ZC3H14: variants seen among roughly 807,000 people sequenced by gnomAD.
The protein encoded by ZC3H14 is zinc finger CCCH-type containing 14.
ZC3H14 carries 31 observed loss-of-function variants against 92.4 expected under a neutral mutation model. The observed-to-expected ratio is 0.34, with a 90% CI of 0.25 to 0.45. The LOEUF (loss-of-function observed/expected upper bound fraction) is 0.45. Among genes scored for constraint, ZC3H14 ranks in the 20% least tolerant of loss-of-function variants. The probability of loss-of-function intolerance (pLI) is 1.00; values close to 1 mark genes in which losing one functional copy is unlikely to be tolerated. For synonymous variants in ZC3H14, 321 were observed against 300.9 expected (o/e 1.07, Z -0.69); for missense variants, 781 against 897.3 (o/e 0.87, Z 1.66).
rs1185410035 is a variant in ZC3H14 at position 88,615,790 on chromosome 14, T to G, written c.*4039T>G. 2 of 1,605,350 alleles carry G rather than the reference T, an allele frequency of 1.2e-6. No homozygotes were observed. The highest frequency in any genetic ancestry group is 1.7e-6 in the Non-Finnish European group (2 of 1,175,954). On this transcript the variant is annotated 3_prime_UTR_variant, in exon 17 of 17. Coordinates refer to ENST00000251038, the MANE Select transcript of ZC3H14 (RefSeq NM_024824.5). ...CTTCTCTGTAATTCTGGTCTCAAAG[T>G]TAATTTCTGTAGTCATCTCAGCATC... is the stretch of plus-strand genomic sequence containing the variant.
Position 88,569,392 on chromosome 14 carries a change from A to G in ZC3H14, c.194+1239A>G, listed in dbSNP as rs144066299. Among the ~76,000 whole-genome samples, 4 of 152,284 alleles carry G rather than the reference A, an allele frequency of 2.6e-5. No individual in the cohort carries two copies. The East Asian group carries it at 7.7e-4, about 29-fold the overall frequency. On this transcript the variant is annotated intron_variant, in intron 3 of 16. Transcript: ENST00000251038. ...ATGTTACAGCATATTTTGAGATTAT[A>G]AGTTTTTTTAAGTTTGGAATTTTAA...
chr14:88,615,802 G>C lies in ZC3H14; in HGVS notation c.*4051G>C, dbSNP rs772518655. The C allele has an allele frequency of 1.9e-6, 3 of 1,608,844 alleles. No homozygotes were observed. The South Asian group carries it at 3.4e-5, about 18-fold the overall frequency. On this transcript the variant is annotated 3_prime_UTR_variant, in exon 17 of 17. Coordinates refer to ENST00000251038, the MANE Select transcript of ZC3H14 (RefSeq NM_024824.5). ...TCTGGTCTCAAAGTTAATTTCTGTAGTCATCTCAGCATCTCTCAGTGAGGT... is the reference window on the plus strand; with the variant it reads ...TCTGGTCTCAAAGTTAATTTCTGTACTCATCTCAGCATCTCTCAGTGAGGT...
At position 88,578,037 on chromosome 14, in the gene ZC3H14, A is replaced by G. The variant is rs758103735; in HGVS notation, c.1176A>G (p.Glu392=). The change falls in exon 9 of 17, where the codon GAA becomes GAG. Residue 392 remains glutamate (E), a synonymous_variant. Transcript: ENST00000251038. ...CTCCCAGAACTCGAACTTCTCAAGA[A>G]GAATTGCTAGCAGAAGTGGTCCAGG... ...PVAPRTRTSQ[E]ELLAEVVQGQ... The G allele has an allele frequency of 1.9e-6, 3 of 1,614,220 alleles. No individual in the cohort carries two copies. The highest frequency in any genetic ancestry group is 2.5e-6 in the Non-Finnish European group (3 of 1,180,038).
At chr14:88,573,399 AAAAAC>A (rs1253005802) in intron 6 of ZC3H14, among the ~76,000 whole-genome samples, 1 of 152,080 alleles carries the variant, frequency 6.6e-6, no homozygotes, top group East Asian at 1.9e-4. Context: ...AGAAAAAACA[AAAAAC>A]AAAAAAAACA....
At chr14:88,563,387 A>G (rs981491293) in intron 1 of ZC3H14, 7 of 1,439,360 alleles carry the variant, frequency 4.9e-6, no homozygotes, top group Non-Finnish European at 6.3e-6. Flanking sequence ...GGGAAATGGA[A>G]GGACAGGCGC....
In ZC3H14 at chr14:88,624,821, G is replaced by T; in HGVS notation, c.*13070G>T. 1.2e-6 allele frequency: 1 copy of T among 843,108 alleles called. No homozygotes were observed. Among genetic ancestry groups the T allele is most frequent in the Non-Finnish European group, 1.8e-6 (1 of 560,316 alleles). The allele number at this position is 843,108 out of a possible 1,614,324, so 52.2% of individuals were successfully genotyped here. A position where few individuals can be genotyped will look rare whatever the true frequency, so the allele number is the denominator to read the frequency against. On this transcript the variant is annotated 3_prime_UTR_variant, in exon 17 of 17. Transcript: ENST00000251038. ...GACCAGAAATGAGAATCAAATAGAAGGCACATAAAAGGTAATAAAGGAGAA... is the reference window on the plus strand; with the variant it reads ...GACCAGAAATGAGAATCAAATAGAATGCACATAAAAGGTAATAAAGGAGAA...
At chr14:88,607,136 C>T (rs993812340) in intron 12 of ZC3H14, 107 bp from the exon 13 acceptor site, 2 of 1,534,422 alleles carry the variant, frequency 1.3e-6, no homozygotes, top group Admixed American at 3.5e-5. Context: ...TATGACTGTA[C>T]ATTTAACAGA....
At chr14:88,597,807 TTCA>T (rs1299097515) in intron 10 of ZC3H14, among the ~76,000 whole-genome samples, 4 of 152,222 alleles carry the variant, frequency 2.6e-5, no homozygotes, top group Non-Finnish European at 5.9e-5. Flanking sequence ...TGGGATCCAC[TTCA>T]TCAGCTCTTG....
intron 1 of ZC3H14, 161 bp from the exon 2 acceptor site, chr14:88,563,490 G>T (rs1039985530): frequency 1.2e-5 from 18 of 1,522,244 alleles, no homozygotes; most frequent in Middle Eastern, 4.7e-4. Context: ...GAGCTGGAGT[G>T]GGGTGCGGGG....
rs536263760 is a variant in ZC3H14 at position 88,588,791 on chromosome 14, T to TC, written c.1280-7942dup. 9.6e-4 allele frequency among the ~76,000 whole-genome samples: 146 copies of TC among 152,332 alleles called. 1 individual carries two copies. Among genetic ancestry groups the TC allele is most frequent in the Admixed American group, 2.1e-3 (32 of 15,310 alleles). On this transcript the variant is annotated intron_variant, in intron 9 of 16. Coordinates refer to ENST00000251038, the MANE Select transcript of ZC3H14 (RefSeq NM_024824.5). Reference sequence around the variant, plus strand: ...TTTAATCTGTCAGTTGTATATTTTTTCTCTCTTGATTTTTGACTTGATCTT... The same window carrying TC: ...TTTAATCTGTCAGTTGTATATTTTTTCCTCTCTTGATTTTTGACTTGATCTT...
chr14:88,579,812 C>G (rs2081649517), intron 9 of ZC3H14, among the ~76,000 whole-genome samples: 3 of 152,068 alleles, frequency 2.0e-5, no homozygotes. Flanking sequence ...AGCATTGTTT[C>G]AATGAAAGCA....
Position 88,578,027 on chromosome 14 carries a change from C to G in ZC3H14, c.1166C>G (p.Thr389Ser). The G allele has an allele frequency of 6.2e-7, 1 of 1,614,118 alleles. No homozygotes were observed. Residue 389 changes from threonine to serine, a missense_variant, in exon 9 of 17, where the codon ACT becomes AGT. Coordinates refer to ENST00000251038, the MANE Select transcript of ZC3H14 (RefSeq NM_024824.5). ...QTLPVAPRTR[T>S]SQEELLAEVV... is the part of the protein sequence containing the mutation. ...CTTCCAGTTGCTCCCAGAACTCGAACTTCTCAAGAAGAATTGCTAGCAGAA... is the reference window on the plus strand; with the variant it reads ...CTTCCAGTTGCTCCCAGAACTCGAAGTTCTCAAGAAGAATTGCTAGCAGAA...
rs762176566 is a variant in ZC3H14 at position 88,622,741 on chromosome 14, G to A, written c.*10990G>A. The A allele has an allele frequency of 3.9e-6, 6 of 1,534,116 alleles. No individual in the cohort carries two copies. Among genetic ancestry groups the A allele is most frequent in the South Asian group, 2.5e-5 (2 of 79,950 alleles). On this transcript the variant is annotated 3_prime_UTR_variant, in exon 17 of 17. Coordinates refer to ENST00000251038, the MANE Select transcript of ZC3H14 (RefSeq NM_024824.5). The stretch of plus-strand genomic sequence containing the variant: ...GACCTAAGTAAATAACCAAGCCAGA[G>A]TAAGTGTTCATTATTGGCTACTATA...
intron 12 of ZC3H14, among the ~76,000 whole-genome samples, chr14:88,606,555 A>C (rs908028521): frequency 3.9e-5 from 6 of 152,124 alleles, no homozygotes; most frequent in Admixed American, 3.9e-4. Flanking sequence ...GGATCGCTTA[A>C]GTCCTGGAGT....
At chr14:88,563,250 C>A in intron 1 of ZC3H14, 81 bp downstream of exon 1, 1 of 1,551,828 alleles carries the variant, frequency 6.4e-7, no homozygotes, top group Non-Finnish European at 8.7e-7. Context: ...ACTGTGGGCC[C>A]GGGTGGACGC....
At chr14:88,564,900 A>G (rs1814881723) in intron 2 of ZC3H14, among the ~76,000 whole-genome samples, 1 of 152,232 alleles carries the variant, frequency 6.6e-6, no homozygotes, top group African/African-American at 2.4e-5. Flanking sequence ...CACCTCTTTC[A>G]GGGAACATCA....
At position 88,618,967 on chromosome 14, in the gene ZC3H14, TTGTC is replaced by T; in HGVS notation, c.*7219_*7222del. 4 of 572,700 alleles carry T rather than the reference TTGTC, an allele frequency of 7.0e-6. No individual in the cohort carries two copies. Among genetic ancestry groups the T allele is most frequent in the Non-Finnish European group, 8.4e-6 (3 of 356,852 alleles). The allele number at this position is 572,700 out of a possible 1,614,324, so 35.5% of individuals were successfully genotyped here. ...ACACAACTGATCATGTATACTGAGATTGTCTGGGTTACATGAAATAAGGAAGCTT... is the reference window on the plus strand; with the variant it reads ...ACACAACTGATCATGTATACTGAGATTGGGTTACATGAAATAAGGAAGCTT... On this transcript the variant is annotated 3_prime_UTR_variant, in exon 17 of 17. Coordinates refer to ENST00000251038, the MANE Select transcript of ZC3H14 (RefSeq NM_024824.5).
chr14:88,583,353 A>G (rs759644782), intron 9 of ZC3H14, among the ~76,000 whole-genome samples: 1 of 152,032 alleles, frequency 6.6e-6, no homozygotes, highest in Non-Finnish European at 1.5e-5. Flanking sequence ...CCTGAGCTCA[A>G]GCAGCCCTCT....
At chr14:88,588,714 G>C (rs1471656518) in intron 9 of ZC3H14, among the ~76,000 whole-genome samples, 2 of 152,020 alleles carry the variant, frequency 1.3e-5, no homozygotes, top group African/African-American at 2.4e-5. Context: ...TGCTGTCCTT[G>C]TTTTCATTGT....
Sources: allele counts gnomAD v4.1 joint callset (sites outside exome capture counted in the v4.1 genomes callset), GRCh38; gene constraint gnomAD v4.1.1; transcripts MANE v1.5; gene names NCBI Gene and HGNC (gene_info 2026-07-23, HGNC 2026-07-21).